FBXW4: variants seen among roughly 807,000 people sequenced by gnomAD.
The protein encoded by FBXW4 is F-box/WD repeat-containing protein 4.
Under a neutral mutation model 61.8 loss-of-function variants are expected in FBXW4, and 40 were observed. That is an observed-to-expected ratio of 0.65 (90% confidence interval 0.50 to 0.84). The LOEUF (loss-of-function observed/expected upper bound fraction) is 0.84, where lower values mean the gene tolerates loss of function less well. Ranked by LOEUF, FBXW4 falls within the 40% of genes least tolerant of loss-of-function variation. The pLI, the probability that FBXW4 is intolerant of heterozygous loss-of-function variation, is 0.00. For missense variants in FBXW4, 672 were observed against 753.8 expected, an observed-to-expected ratio of 0.89 and a Z score of 1.27; for synonymous variants, 311 against 313.8, an observed-to-expected ratio of 0.99 and a Z score of 0.10.
chr10:101,614,754 G>A (rs1045504145), intron 6 of FBXW4, among the ~76,000 whole-genome samples: 5 of 152,196 alleles, frequency 3.3e-5, no homozygotes, highest in Non-Finnish European at 7.3e-5. Context: ...TGTGGTGCCC[G>A]TGAGGTTAAG....
At chr10:101,632,598 A>G (rs2063968236) in intron 5 of FBXW4, among the ~76,000 whole-genome samples, 1 of 152,118 alleles carries the variant, frequency 6.6e-6, no homozygotes, top group Non-Finnish European at 1.5e-5. Flanking sequence ...TAGAGAGGGG[A>G]AAAAATAAGG....
At chr10:101,670,183 A>C (rs893679337) in intron 4 of FBXW4, among the ~76,000 whole-genome samples, 3 of 152,240 alleles carry the variant, frequency 2.0e-5, no homozygotes, top group African/African-American at 7.2e-5. Context: ...AATAATCCTA[A>C]AACAAAAGAA....
intron 5 of FBXW4, among the ~76,000 whole-genome samples, chr10:101,666,499 G>A (rs1289360441): frequency 6.6e-6 from 1 of 152,178 alleles, no homozygotes; most frequent in African/African-American, 2.4e-5. Flanking sequence ...GAAAGAAGCT[G>A]AAGGGCCTAA....
intron 5 of FBXW4, among the ~76,000 whole-genome samples, chr10:101,647,557 G>A (rs926166011): frequency 6.6e-6 from 1 of 152,024 alleles, no homozygotes; most frequent in African/African-American, 2.4e-5. Flanking sequence ...TTTTTGTCTT[G>A]CATTTCTGAA....
chr10:101,686,111 T>C (rs2064530859), intron 1 of FBXW4, among the ~76,000 whole-genome samples: 1 of 152,222 alleles, frequency 6.6e-6, no homozygotes, highest in African/African-American at 2.4e-5. Context: ...GAGCTTAAGA[T>C]TCAGAACTTG....
intron 5 of FBXW4, among the ~76,000 whole-genome samples, chr10:101,653,546 A>G (rs961853820): frequency 6.6e-6 from 1 of 151,996 alleles, no homozygotes; most frequent in Non-Finnish European, 1.5e-5. Context: ...CCCTTATGCA[A>G]TTTCAATACA....
chr10:101,619,283 T>C (rs1466166300), intron 6 of FBXW4, among the ~76,000 whole-genome samples: 2 of 152,148 alleles, frequency 1.3e-5, no homozygotes, highest in Non-Finnish European at 2.9e-5. Flanking sequence ...ACTTTGAGGT[T>C]GGGTGAAGGA....
intron 5 of FBXW4, among the ~76,000 whole-genome samples, chr10:101,647,884 A>C (rs1343958643): frequency 2.0e-5 from 3 of 152,166 alleles, no homozygotes; most frequent in Admixed American, 6.5e-5. Flanking sequence ...TACTAGAGAA[A>C]ACCAACTTCC....
At chr10:101,672,736 G>A (rs1415100393) in intron 4 of FBXW4, among the ~76,000 whole-genome samples, 179 bp downstream of exon 4, 1 of 152,114 alleles carries the variant, frequency 6.6e-6, no homozygotes, top group Non-Finnish European at 1.5e-5. Context: ...CCAGCTGGCA[G>A]GGACAACGCC....
At chr10:101,619,551 C>T (rs1013820137) in intron 6 of FBXW4, among the ~76,000 whole-genome samples, 2 of 151,432 alleles carry the variant, frequency 1.3e-5, no homozygotes, top group African/African-American at 2.4e-5. Flanking sequence ...CCCAGCTACT[C>T]GGGAGGCTGA....
chr10:101,694,933 C>CCTTCCGCCCCGCTTCCT lies in FBXW4; in HGVS notation c.156_172dup (p.Gly58GlufsTer175). On this transcript the variant is annotated frameshift_variant, in exon 1 of 9. Coordinates refer to ENST00000331272, the MANE Select transcript of FBXW4 (RefSeq NM_022039.4). LOFTEE classifies it high-confidence loss of function. The surrounding 1 kb of genome is among the most constrained non-coding windows in gnomAD (Gnocchi z 6.0). ...CTTCGCCGTCTGCGGCCCGGGCTTC[C>CCTTCCGCCCCGCTTCCT]CTTCCGCCCCGCTTCCTCTTCCGCC... 2 of 1,235,686 alleles carry CCTTCCGCCCCGCTTCCT rather than the reference C, an allele frequency of 1.6e-6. No homozygotes were observed. The highest frequency in any genetic ancestry group is 1.0e-6 in the Non-Finnish European group (1 of 989,842). The allele number at this position is 1,235,686 out of a possible 1,614,324, so 76.5% of individuals were successfully genotyped here.
At chr10:101,651,822 A>G (rs2064148058) in intron 5 of FBXW4, among the ~76,000 whole-genome samples, 1 of 152,024 alleles carries the variant, frequency 6.6e-6, no homozygotes, top group Non-Finnish European at 1.5e-5. Context: ...AGACCTTTTC[A>G]AACAAGGGAC....
At chr10:101,630,613 C>T (rs761498351) in intron 5 of FBXW4, among the ~76,000 whole-genome samples, 6 of 152,164 alleles carry the variant, frequency 3.9e-5, no homozygotes, top group South Asian at 2.1e-4. Context: ...AAAACTCACT[C>T]GGTGAGGGGA....
chr10:101,637,282 C>T (rs2064011593), intron 5 of FBXW4, among the ~76,000 whole-genome samples: 1 of 145,966 alleles, frequency 6.9e-6, no homozygotes, highest in Non-Finnish European at 1.5e-5. Flanking sequence ...GTCCCAGCTA[C>T]TTGGGAGGCT....
Position 101,611,228 on chromosome 10 carries a change from C to T in FBXW4, c.*63G>A, listed in dbSNP as rs2063778619. On this transcript the variant is annotated 3_prime_UTR_variant, in exon 9 of 9. Transcript: ENST00000331272. This position sits in a 1 kb window ranked among gnomAD's most constrained non-coding sequence, Gnocchi z 4.9. ...GAGGAGGAGCTATCACTGCACCCTC[C>T]AGGCAAGAGAAGTCCCTGAGTAGCT... is the stretch of plus-strand genomic sequence containing the variant. 1 of 1,582,206 alleles carries T rather than the reference C, an allele frequency of 6.3e-7. No individual in the cohort carries two copies. The highest frequency in any genetic ancestry group is 1.3e-5 in the African/African-American group (1 of 74,538).
intron 5 of FBXW4, among the ~76,000 whole-genome samples, chr10:101,656,640 A>G (rs913012802): frequency 1.3e-5 from 2 of 152,166 alleles, no homozygotes; most frequent in South Asian, 2.1e-4. Flanking sequence ...ATACTATGCC[A>G]TGACTACCAT....
At chr10:101,679,787 T>C (rs1250416048) in intron 1 of FBXW4, among the ~76,000 whole-genome samples, 2 of 152,212 alleles carry the variant, frequency 1.3e-5, no homozygotes, top group African/African-American at 4.8e-5. Context: ...TTTGGTTACA[T>C]GGATGAATTG....
intron 5 of FBXW4, among the ~76,000 whole-genome samples, chr10:101,660,872 C>G (rs562900187): frequency 6.6e-6 from 1 of 152,302 alleles, no homozygotes; most frequent in South Asian, 2.1e-4. Flanking sequence ...CACTCTACTA[C>G]CTATTTTACT....
intron 5 of FBXW4, among the ~76,000 whole-genome samples, chr10:101,633,299 A>C (rs987413759): frequency 3.9e-5 from 6 of 152,206 alleles, no homozygotes; most frequent in Admixed American, 2.0e-4. Flanking sequence ...TCTACTATAA[A>C]GGGGACATCA....
Sources: gnomAD v4.1 joint callset for allele counts (sites outside exome capture counted in the v4.1 genomes callset) on GRCh38, gnomAD v4.1.1 for gene constraint, Gnocchi (gnomAD v3.1) non-coding constraint, MANE v1.5 for transcripts, NCBI Gene and HGNC (gene_info 2026-07-23, HGNC 2026-07-21) for gene names.